Variants in USP3 observed in about 807,000 individuals in gnomAD.
The protein encoded by USP3 is ubiquitin carboxyl-terminal hydrolase 3.
USP3 carries 20 observed loss-of-function variants against 72.3 expected under a neutral mutation model. The observed-to-expected ratio is 0.28, with a 90% CI of 0.19 to 0.40. USP3 has a LOEUF of 0.40. Among genes scored for constraint, USP3 ranks in the 10% least tolerant of loss-of-function variants. USP3 has a pLI of 1.00. For synonymous variants in USP3, 222 were observed against 225.3 expected (o/e 0.99, Z 0.13); for missense variants, 479 against 633.9 (o/e 0.76, Z 2.62).
intron 1 of USP3, among the ~76,000 whole-genome samples, chr15:63,532,333 C>G (rs887029756): frequency 2.0e-5 from 3 of 152,076 alleles, no homozygotes; most frequent in Non-Finnish European, 2.9e-5. Flanking sequence ...AATAGACTGT[C>G]GTTAACTTGT....
At chr15:63,550,081 A>G (rs1026295996) in intron 3 of USP3, among the ~76,000 whole-genome samples, 4 of 152,212 alleles carry the variant, frequency 2.6e-5, no homozygotes, top group Non-Finnish European at 4.4e-5. Context: ...GTGCAGTGGC[A>G]TGATCTCAGC....
chr15:63,566,365 A>G (rs1170935116), intron 8 of USP3, among the ~76,000 whole-genome samples: 1 of 151,122 alleles, frequency 6.6e-6, no homozygotes, highest in Non-Finnish European at 1.5e-5. Flanking sequence ...ACTGGAGTGC[A>G]GTGGCATGAT....
rs773218498 is a variant in USP3, at chr15:63,519,860, C to T, written c.92-12787C>T. The stretch of plus-strand genomic sequence containing the variant: ...TTGCTTACTTATCTTAATAAGCACT[C>T]GGTTTTTTTTTATTCTAAGGTACTC... On this transcript the variant is annotated intron_variant, in intron 1 of 14. Transcript: ENST00000380324. Among the ~76,000 whole-genome samples the T allele has an allele frequency of 3.3e-5, 5 of 151,314 alleles. No homozygotes were observed. In the East Asian group the frequency reaches 7.7e-4, roughly 23 times the overall value.
At chr15:63,525,254 G>A (rs1037095316) in intron 1 of USP3, among the ~76,000 whole-genome samples, 5 of 152,116 alleles carry the variant, frequency 3.3e-5, no homozygotes, top group Non-Finnish European at 5.9e-5. Context: ...AGTCCCAGGT[G>A]GCCACTTCTG....
intron 8 of USP3, among the ~76,000 whole-genome samples, chr15:63,569,801 A>T (rs937571406): frequency 5.9e-5 from 9 of 152,188 alleles, no homozygotes; most frequent in Non-Finnish European, 1.3e-4. Flanking sequence ...ACCTAAGAAT[A>T]TGTTGTTATA....
intron 1 of USP3, chr15:63,527,968 A>G (rs560290628): frequency 1.3e-5 from 2 of 152,352 alleles, no homozygotes; most frequent in East Asian, 3.9e-4. Flanking sequence ...AGCATATGTG[A>G]TAGCTTCTAC....
chr15:63,565,111 C>G (rs1419239161), intron 8 of USP3, among the ~76,000 whole-genome samples: 1 of 152,138 alleles, frequency 6.6e-6, no homozygotes, highest in Non-Finnish European at 1.5e-5. Flanking sequence ...CAGACAGTGT[C>G]TAGAGAACTT....
chr15:63,559,476 TATCAAAATAATATG>T (rs769141383), intron 6 of USP3, among the ~76,000 whole-genome samples: 3 of 152,238 alleles, frequency 2.0e-5, no homozygotes, highest in Non-Finnish European at 2.9e-5. Context: ...CTGTATAGTG[TATCAAAATAATATG>T]GTCGGTTTCA....
intron 3 of USP3, among the ~76,000 whole-genome samples, chr15:63,539,603 A>C (rs2066212446): frequency 6.6e-6 from 1 of 152,238 alleles, no homozygotes; most frequent in Non-Finnish European, 1.5e-5. Context: ...GGTCTGCTAA[A>C]GTATATGTCG....
rs1214584680 is a variant in USP3, at chr15:63,544,820, G to A, written c.284+7664G>A. The A allele has an allele frequency of 7.3e-6, 5 of 684,450 alleles. No homozygotes were observed. Among genetic ancestry groups the A allele is most frequent in the Admixed American group, 4.3e-5 (2 of 46,464 alleles). The allele number at this position is 684,450 out of a possible 1,614,324, so 42.4% of individuals were successfully genotyped here. A position where few individuals can be genotyped will look rare whatever the true frequency, so the allele number is the denominator to read the frequency against. On this transcript the variant is annotated intron_variant, in intron 3 of 14. Coordinates refer to ENST00000380324, the MANE Select transcript of USP3 (RefSeq NM_006537.4). The surrounding 1 kb of genome is among the most constrained non-coding windows in gnomAD (Gnocchi z 4.2). ...GAAAGGGAAGATTGGGAGGGAAGGGGTAGGAGATAAGAATATCTAAGCAAG... is the reference window on the plus strand; with the variant it reads ...GAAAGGGAAGATTGGGAGGGAAGGGATAGGAGATAAGAATATCTAAGCAAG...
rs2066025953 is a variant in USP3, at chr15:63,528,977, A to G, written c.92-3670A>G. 1 of 1,282,440 alleles carries G rather than the reference A, an allele frequency of 7.8e-7. No individual in the cohort carries two copies. Among genetic ancestry groups the G allele is most frequent in the Non-Finnish European group, 1.0e-6 (1 of 984,496 alleles). 79.4% of individuals were successfully genotyped at this position (1,282,440 alleles called of 1,614,324 possible). On this transcript the variant is annotated intron_variant, in intron 1 of 14. Transcript: ENST00000380324. This position sits in a 1 kb window ranked among gnomAD's most constrained non-coding sequence, Gnocchi z 4.3. ...AAGCAATGCCATTTATTGGCTTCAGAATCCCTCATAATACCCTATCCTCTG... is the reference window on the plus strand; with the variant it reads ...AAGCAATGCCATTTATTGGCTTCAGGATCCCTCATAATACCCTATCCTCTG...
At chr15:63,589,042 G>C (rs766051855) in intron 14 of USP3, 31 bp downstream of exon 14, 3 of 1,611,984 alleles carry the variant, frequency 1.9e-6, no homozygotes, top group Non-Finnish European at 2.5e-6. Flanking sequence ...CTGGTGGGTG[G>C]GAATACCTGG....
intron 4 of USP3, among the ~76,000 whole-genome samples, chr15:63,556,019 T>C (rs1016097360): frequency 5.9e-5 from 9 of 152,214 alleles, no homozygotes; most frequent in African/African-American, 1.9e-4. Context: ...CTTTTGAAAA[T>C]AGAAATAACT....
intron 11 of USP3, among the ~76,000 whole-genome samples, chr15:63,579,429 T>G (rs1233846753): frequency 3.3e-5 from 5 of 152,174 alleles, no homozygotes; most frequent in Admixed American, 3.3e-4. Context: ...TTTATGCAAA[T>G]TTACAATATG....
At chr15:63,527,788 A>G (rs1337507936) in intron 1 of USP3, 2 of 152,226 alleles carry the variant, frequency 1.3e-5, no homozygotes, top group South Asian at 2.1e-4. Flanking sequence ...GCCCTTCCGT[A>G]TAGCACGGAC....
chr15:63,559,747 T>G (rs2066573503), intron 6 of USP3, 110 bp from the exon 7 acceptor site: 1 of 854,348 alleles, frequency 1.2e-6, no homozygotes. Context: ...ACAGTTTAAA[T>G]GAGACAATTG....
chr15:63,507,867 G>A (rs1019243874), intron 1 of USP3, among the ~76,000 whole-genome samples: 1 of 150,396 alleles, frequency 6.6e-6, no homozygotes, highest in Non-Finnish European at 1.5e-5. Context: ...CTTAAAATAT[G>A]TATTTATTAA....
rs967458070 is a variant in USP3 at position 63,570,026 on chromosome 15, C to G, written c.762-407C>G. On this transcript the variant is annotated intron_variant, in intron 8 of 14. Coordinates refer to ENST00000380324, the MANE Select transcript of USP3 (RefSeq NM_006537.4). The surrounding 1 kb of genome is among the most constrained non-coding windows in gnomAD (Gnocchi z 4.4). The stretch of plus-strand genomic sequence containing the variant: ...GTGAGGGTAAGAGGTGAAGCTATGA[C>G]ATTGGAGCATCTTCTAGAGAGGTTA... 6.6e-6 allele frequency among the ~76,000 whole-genome samples: 1 copy of G among 152,144 alleles called. No individual in the cohort carries two copies. Among genetic ancestry groups the G allele is most frequent in the Non-Finnish European group, 1.5e-5 (1 of 68,026 alleles).
chr15:63,548,217 A>G (rs1193110243), intron 3 of USP3, among the ~76,000 whole-genome samples: 1 of 150,812 alleles, frequency 6.6e-6, no homozygotes, highest in African/African-American at 2.4e-5. Context: ...GCAGCCTCCA[A>G]CTCCTGAGTT....
Sources: allele counts gnomAD v4.1 joint callset (sites outside exome capture counted in the v4.1 genomes callset), GRCh38; gene constraint gnomAD v4.1.1; non-coding constraint Gnocchi (gnomAD v3.1); transcripts MANE v1.5; gene names NCBI Gene and HGNC (gene_info 2026-07-23, HGNC 2026-07-21).